Variants in SYNE1 observed in about 807,000 individuals in gnomAD.
The protein encoded by SYNE1 is spectrin repeat containing nuclear envelope protein 1.
A neutral mutation model predicts 1,111.0 loss-of-function variants in SYNE1; 616 were observed. The ratio of observed to expected loss-of-function variants is 0.55; its 90% CI spans 0.52 to 0.59. The LOEUF (loss-of-function observed/expected upper bound fraction) is 0.59. SYNE1 is among the 20% of genes least tolerant of loss of function. The probability of loss-of-function intolerance (pLI) is 0.00; values close to 1 mark genes in which losing one functional copy is unlikely to be tolerated. For synonymous variants in SYNE1, 3,855 were observed against 3,825.8 expected, an observed-to-expected ratio of 1.01 and a Z score of -0.28; for missense variants, 10,006 against 10,417.0, an observed-to-expected ratio of 0.96 and a Z score of 1.72.
intron 52 of SYNE1, 25 bp downstream of exon 52, chr6:152,391,252 A>C (rs1402019151): frequency 1.2e-6 from 2 of 1,613,582 alleles, no homozygotes; most frequent in African/African-American, 2.7e-5. Context: ...AGCAGTTGTC[A>C]GTGTCTGGCT....
chr6:152,540,177 C>T (rs913362355), intron 3 of SYNE1, among the ~76,000 whole-genome samples, 156 bp from the exon 4 acceptor site: 17 of 151,920 alleles, frequency 1.1e-4, no homozygotes, highest in African/African-American at 4.1e-4. Context: ...CAACAAGAGT[C>T]GATCTACATA....
chr6:152,395,925 T>C (rs781045759), intron 50 of SYNE1, among the ~76,000 whole-genome samples: 2 of 152,222 alleles, frequency 1.3e-5, no homozygotes, highest in Non-Finnish European at 2.9e-5. Context: ...ACTGATTTCA[T>C]AGCTGGTAAT....
chr6:152,427,561 A>C, intron 38 of SYNE1, 132 bp downstream of exon 38: 1 of 1,121,660 alleles, frequency 8.9e-7, no homozygotes, highest in South Asian at 1.3e-5. Context: ...CCCTGATGTC[A>C]AATGATGCTT....
intron 2 of SYNE1, among the ~76,000 whole-genome samples, chr6:152,632,777 T>G (rs1471749972): frequency 6.6e-6 from 1 of 152,256 alleles, no homozygotes; most frequent in Non-Finnish European, 1.5e-5. Context: ...AATTTTATCC[T>G]GCTTAAATTA....
At chr6:152,389,899 T>C (rs142948465) in intron 53 of SYNE1, among the ~76,000 whole-genome samples, 1 of 152,346 alleles carries the variant, frequency 6.6e-6, no homozygotes, top group East Asian at 1.9e-4. Flanking sequence ...GATTTACGAC[T>C]AAGCTCAACA....
At chr6:152,167,731 T>G (rs773974097) in intron 130 of SYNE1, 6 of 535,810 alleles carry the variant, frequency 1.1e-5, no homozygotes, top group South Asian at 8.4e-5. Flanking sequence ...AGGCTAAATT[T>G]CAGTTTCATC....
At chr6:152,131,751 C>T (rs556991525) in intron 144 of SYNE1, among the ~76,000 whole-genome samples, 20 of 152,236 alleles carry the variant, frequency 1.3e-4, no homozygotes, top group African/African-American at 4.6e-4. Flanking sequence ...CACCTCCAGC[C>T]GAGGCGCCCC....
Position 152,409,581 on chromosome 6 carries a change from T to A in SYNE1, c.6359A>T (p.Asp2120Val). 1 of 1,613,802 alleles carries A rather than the reference T, an allele frequency of 6.2e-7. No homozygotes were observed. The highest frequency in any genetic ancestry group is 2.2e-5 in the East Asian group (1 of 44,826). Residue 2120 changes from aspartate (D) to valine (V), a missense_variant, in exon 43 of 146, where the codon GAT becomes GTT. Asp to Val is a radical substitution (Grantham distance 152, BLOSUM62 -3). Coordinates refer to ENST00000367255, the MANE Select transcript of SYNE1 (RefSeq NM_182961.4). The stretch of plus-strand genomic sequence containing the variant: ...TACCTTGGAAAAAGCCCATTTAAGA[T>A]CCTCCTGATCTTTTATGGTAGTTCT... ...VTRTTIKDQE[D>V]LKWAFSKHET...
intron 3 of SYNE1, among the ~76,000 whole-genome samples, chr6:152,593,263 T>C (rs1325948029): frequency 6.6e-6 from 1 of 152,100 alleles, no homozygotes; most frequent in Non-Finnish European, 1.5e-5. Context: ...ATAAAGAAAA[T>C]TATACTACAA....
At chr6:152,133,247 C>T in intron 143 of SYNE1, 29 bp downstream of exon 143, 1 of 1,599,230 alleles carries the variant, frequency 6.3e-7, no homozygotes, top group Non-Finnish European at 8.6e-7. Context: ...GTAAGAAATG[C>T]TACACGATGA....
chr6:152,122,720 C>A (rs751164756), intron 145 of SYNE1, 44 bp from the exon 146 acceptor site: 1 of 1,611,620 alleles, frequency 6.2e-7, no homozygotes, highest in South Asian at 1.1e-5. Context: ...ACTCCAGTGT[C>A]GGAGGGACGC....
At chr6:152,515,090 C>T (rs963225926) in intron 6 of SYNE1, among the ~76,000 whole-genome samples, 3 of 151,796 alleles carry the variant, frequency 2.0e-5, no homozygotes, top group East Asian at 1.9e-4. Flanking sequence ...GGCTTGGTGG[C>T]GCATGCCTGT....
At chr6:152,277,420 G>A (rs1162592205) in intron 98 of SYNE1, 1 of 152,032 alleles carries the variant, frequency 6.6e-6, no homozygotes, top group Non-Finnish European at 1.5e-5. Context: ...TGAGATTACA[G>A]GTGTCCACCA....
intron 105 of SYNE1, among the ~76,000 whole-genome samples, chr6:152,246,989 TATC>T (rs2087368472): frequency 1.3e-5 from 2 of 152,206 alleles, no homozygotes; most frequent in Admixed American, 1.3e-4. Context: ...AAAATACACT[TATC>T]ATGTACCCTT....
chr6:152,544,453 A>G (rs1235504868), intron 3 of SYNE1, among the ~76,000 whole-genome samples: 1 of 152,164 alleles, frequency 6.6e-6, no homozygotes, highest in East Asian at 1.9e-4. Context: ...AGTTGGTCCT[A>G]CAGGCCTCAG....
intron 63 of SYNE1, among the ~76,000 whole-genome samples, 145 bp downstream of exon 63, chr6:152,364,686 GAGGAAGGAAGGAAGGA>G (rs138395598): frequency 5.6e-5 from 6 of 108,070 alleles, no homozygotes; most frequent in East Asian, 2.8e-4. Context: ...AAGGAGGAAG[GAGGAAGGAAGGAAGGA>G]AGGAAGGAAG....
At chr6:152,287,774 T>G (rs1017388707) in intron 95 of SYNE1, among the ~76,000 whole-genome samples, 2 of 152,174 alleles carry the variant, frequency 1.3e-5, no homozygotes, top group Non-Finnish European at 2.9e-5. Flanking sequence ...CTTGAATTCC[T>G]AGGCTCAAGT....
chr6:152,385,866 A>G, intron 54 of SYNE1, 28 bp from the exon 55 acceptor site: 2 of 1,612,580 alleles, frequency 1.2e-6, no homozygotes, highest in East Asian at 2.2e-5. Flanking sequence ...GACTACCTTA[A>G]CAGTGGTCCT....
intron 95 of SYNE1, among the ~76,000 whole-genome samples, chr6:152,289,879 G>T (rs374895770): frequency 2.0e-5 from 3 of 150,990 alleles, no homozygotes; most frequent in African/African-American, 7.3e-5. Context: ...GCCCGCCTTG[G>T]CCTCCCAAAG....
Sources: allele counts gnomAD v4.1 joint callset (sites outside exome capture counted in the v4.1 genomes callset), GRCh38; gene constraint gnomAD v4.1.1; transcripts MANE v1.5; gene names NCBI Gene and HGNC (gene_info 2026-07-23, HGNC 2026-07-21).